The following NTAQ1 variants were observed in gnomAD, a reference collection of about 807,000 sequenced individuals.
NTAQ1 encodes protein N-terminal glutamine amidohydrolase.
In NTAQ1, 21 loss-of-function variants were observed where a neutral mutation model predicts 28.2. The ratio of observed to expected loss-of-function variants is 0.74; its 90% CI spans 0.53 to 1.07. The LOEUF (loss-of-function observed/expected upper bound fraction) is 1.07. Among genes scored for constraint, NTAQ1 ranks in the 50% least tolerant of loss-of-function variants. NTAQ1 has a pLI of 0.00. For synonymous variants in NTAQ1, 105 were observed against 90.0 expected, an observed-to-expected ratio of 1.17 and a Z score of -0.94; for missense variants, 264 against 256.6, an observed-to-expected ratio of 1.03 and a Z score of -0.20.
chr8:123,440,107 A>G (rs1366922280), intron 5 of NTAQ1, among the ~76,000 whole-genome samples: 2 of 138,760 alleles, frequency 1.4e-5, no homozygotes, highest in Non-Finnish European at 3.1e-5. Flanking sequence ...AAATACTGAG[A>G]TTATAGGCAT....
exon 7 of NTAQ1, among the ~76,000 whole-genome samples, chr8:123,467,602 C>T (rs1481734015): frequency 6.6e-6 from 1 of 152,138 alleles, no homozygotes; most frequent in Non-Finnish European, 1.5e-5. Flanking sequence ...AAATTAATTA[C>T]TGGCCATTCA....
intron 1 of NTAQ1, among the ~76,000 whole-genome samples, chr8:123,420,447 A>AG (rs1301099185): frequency 1.3e-5 from 2 of 152,144 alleles, no homozygotes; most frequent in East Asian, 3.8e-4. Flanking sequence ...TGGGATTGCT[A>AG]GGTCGCATCA....
chr8:123,440,490 C>T (rs910307652), intron 5 of NTAQ1, among the ~76,000 whole-genome samples: 2 of 143,386 alleles, frequency 1.4e-5, no homozygotes, highest in Non-Finnish European at 3.0e-5. Context: ...TTGAGAGTAG[C>T]GTTCCTTTCT....
downstream of NTAQ1, among the ~76,000 whole-genome samples, chr8:123,445,772 A>AT (rs1815255715): frequency 1.3e-5 from 2 of 150,494 alleles, no homozygotes; most frequent in South Asian, 4.2e-4. Context: ...CACTTGGCTA[A>AT]TTTTTGTATT....
chr8:123,472,650 A>T (rs1337769909), downstream of NTAQ1, among the ~76,000 whole-genome samples: 1 of 152,186 alleles, frequency 6.6e-6, no homozygotes, highest in Non-Finnish European at 1.5e-5. Context: ...CATTGGATTT[A>T]AGGTCCACCA....
intron 6 of NTAQ1, among the ~76,000 whole-genome samples, chr8:123,464,805 T>C (rs1003583516): frequency 3.9e-5 from 6 of 152,186 alleles, no homozygotes; most frequent in African/African-American, 1.2e-4. Flanking sequence ...CTCAGCACTT[T>C]GGGAGGCGGA....
rs372504893 is a variant in NTAQ1 at position 123,441,294 on chromosome 8, A to G, written c.509-12A>G. 6.1e-4 allele frequency: 958 copies of G among 1,582,782 alleles called. No individual in the cohort carries two copies. The highest frequency in any genetic ancestry group is 8.4e-4 in the Middle Eastern group (5 of 5,948). On this transcript the variant is annotated splice_polypyrimidine_tract_variant and intron_variant, in intron 5 of 5. Coordinates refer to ENST00000287387, the MANE Select transcript of NTAQ1 (RefSeq NM_018024.3). ...TTTTCAGTGGACATTTTTTTTTCATATATTTTTTTAGATTCCAAAATGAAC... is the reference window on the plus strand; with the variant it reads ...TTTTCAGTGGACATTTTTTTTTCATGTATTTTTTTAGATTCCAAAATGAAC...
chr8:123,419,749 TCC>T (rs1813556022), intron 1 of NTAQ1, among the ~76,000 whole-genome samples: 3 of 27,194 alleles, frequency 1.1e-4, no homozygotes, highest in African/African-American at 1.3e-4. Context: ...CCTCCCTCCC[TCC>T]CTCCCTTCCT....
intron 6 of NTAQ1, chr8:123,467,050 C>A (rs1037861839): frequency 6.8e-6 from 1 of 147,000 alleles, no homozygotes; most frequent in Non-Finnish European, 1.5e-5. Flanking sequence ...GCTTTTCTTT[C>A]TTTCTTTTTC....
At chr8:123,451,374 G>C (rs369507878), downstream of NTAQ1, among the ~76,000 whole-genome samples, 1 of 152,018 alleles carries the variant, frequency 6.6e-6, no homozygotes, top group Admixed American at 6.6e-5. Flanking sequence ...AGTCTCACTC[G>C]GTCACCCAGG....
intron 6 of NTAQ1, among the ~76,000 whole-genome samples, chr8:123,466,429 G>A (rs1202956315): frequency 1.1e-4 from 16 of 152,178 alleles, no homozygotes; most frequent in Non-Finnish European, 1.5e-5. Context: ...CACCTCCCTG[G>A]GAACTGCCAG....
chr8:123,438,597 G>C (rs1287463313), intron 5 of NTAQ1, among the ~76,000 whole-genome samples: 1 of 151,592 alleles, frequency 6.6e-6, no homozygotes, highest in African/African-American at 2.4e-5. Context: ...TGCTTGAACC[G>C]GGAGGCAGAG....
chr8:123,416,986 C>G (rs959435221), intron 1 of NTAQ1, 54 bp downstream of exon 1: 2 of 1,385,054 alleles, frequency 1.4e-6, no homozygotes, highest in Non-Finnish European at 1.9e-6. Flanking sequence ...GGCGGCGAGT[C>G]GCAACCGGGC....
chr8:123,441,665 C>A lies in NTAQ1; in HGVS notation c.*250C>A. ...TATTCCTGTGGCTCATGCGTTACAA[C>A]ACGAGGACTTAAGCCAGTAATCGTT... On this transcript the variant is annotated 3_prime_UTR_variant, in exon 6 of 6. Coordinates refer to ENST00000287387, the MANE Select transcript of NTAQ1 (RefSeq NM_018024.3). 1 of 476,192 alleles carries A rather than the reference C, an allele frequency of 2.1e-6. No homozygotes were observed. The highest frequency in any genetic ancestry group is 3.8e-6 in the Non-Finnish European group (1 of 263,172). The allele number at this position is 476,192 out of a possible 1,614,324, so 29.5% of individuals were successfully genotyped here.
At chr8:123,438,545 C>T (rs569193617) in intron 5 of NTAQ1, among the ~76,000 whole-genome samples, 1 of 151,800 alleles carries the variant, frequency 6.6e-6, no homozygotes, top group African/African-American at 2.4e-5. Context: ...AGTCCCAGCT[C>T]CTTGGGAGAC....
chr8:123,434,518 G>A (rs1396312496), intron 3 of NTAQ1, among the ~76,000 whole-genome samples: 12 of 151,990 alleles, frequency 7.9e-5, no homozygotes, highest in Non-Finnish European at 1.5e-4. Flanking sequence ...CCAGCTACTC[G>A]GGAGGCTGAG....
chr8:123,471,112 G>T (rs1303854508), downstream of NTAQ1, among the ~76,000 whole-genome samples: 2 of 150,802 alleles, frequency 1.3e-5, no homozygotes, highest in African/African-American at 2.4e-5. Flanking sequence ...TTTTTTTTTG[G>T]TAGAGACGGG....
At chr8:123,428,362 A>T (rs1814196016) in intron 2 of NTAQ1, among the ~76,000 whole-genome samples, 1 of 151,634 alleles carries the variant, frequency 6.6e-6, no homozygotes, top group African/African-American at 2.4e-5. Context: ...ACGCCCAGCT[A>T]ATTTTTGTAT....
intron 6 of NTAQ1, among the ~76,000 whole-genome samples, chr8:123,462,421 A>C (rs1028426148): frequency 1.3e-5 from 2 of 152,168 alleles, no homozygotes; most frequent in African/African-American, 4.8e-5. Flanking sequence ...TTCTCAGCAG[A>C]GTTAAGTCTA....
Sources: allele counts gnomAD v4.1 joint callset (sites outside exome capture counted in the v4.1 genomes callset), GRCh38; gene constraint gnomAD v4.1.1; transcripts MANE v1.5; gene names NCBI Gene and HGNC (gene_info 2026-07-23, HGNC 2026-07-21).